Variants in GRIK2 observed in about 807,000 individuals in gnomAD.
The protein encoded by GRIK2 is glutamate receptor ionotropic, kainate 2.
In GRIK2, 32 loss-of-function variants were observed where a neutral mutation model predicts 100.3. The observed-to-expected ratio is 0.32, with a 90% CI of 0.24 to 0.43. GRIK2 has a LOEUF of 0.43. Among genes scored for constraint, GRIK2 ranks in the 20% least tolerant of loss-of-function variants. GRIK2 has a pLI of 1.00. For missense variants in GRIK2, 843 were observed against 1,114.9 expected, an observed-to-expected ratio of 0.76 and a Z score of 3.47; for synonymous variants, 417 against 389.4, an observed-to-expected ratio of 1.07 and a Z score of -0.83.
chr6:102,040,875 T>TTCA (rs1394230169), intron 15 of GRIK2, among the ~76,000 whole-genome samples: 1 of 151,674 alleles, frequency 6.6e-6, no homozygotes, highest in East Asian at 1.9e-4. Context: ...ATGCAAATTA[T>TTCA]TCATCTTTCT....
At chr6:101,907,467 G>A (rs542022018) in intron 12 of GRIK2, among the ~76,000 whole-genome samples, 1 of 151,612 alleles carries the variant, frequency 6.6e-6, no homozygotes, top group Non-Finnish European at 1.5e-5. Flanking sequence ...GAAATAAGAT[G>A]ACCTAACAAG....
chr6:101,915,161 A>C (rs1477486649), intron 12 of GRIK2, among the ~76,000 whole-genome samples: 1 of 151,494 alleles, frequency 6.6e-6, no homozygotes, highest in Non-Finnish European at 1.5e-5. Context: ...ATGCACACAC[A>C]ATTACTTTTT....
At chr6:101,705,866 ATAAAT>A (rs1773252103) in intron 7 of GRIK2, among the ~76,000 whole-genome samples, 1 of 151,944 alleles carries the variant, frequency 6.6e-6, no homozygotes, top group African/African-American at 2.4e-5. Flanking sequence ...GCTGTTTAAA[ATAAAT>A]TCTTTAAGAA....
intron 1 of GRIK2, among the ~76,000 whole-genome samples, chr6:101,397,616 A>T (rs976537987): frequency 1.9e-4 from 29 of 152,222 alleles, no homozygotes; most frequent in African/African-American, 7.0e-4. Flanking sequence ...ATAATATCTT[A>T]AGAAAATTTA....
At chr6:102,048,598 T>C (rs530605521) in intron 15 of GRIK2, among the ~76,000 whole-genome samples, 1 of 152,096 alleles carries the variant, frequency 6.6e-6, no homozygotes, top group Admixed American at 6.5e-5. Flanking sequence ...ATATGAAAAA[T>C]AATTCACCAT....
intron 11 of GRIK2, among the ~76,000 whole-genome samples, chr6:101,887,331 A>G (rs1372108811): frequency 6.6e-6 from 1 of 152,170 alleles, no homozygotes; most frequent in Non-Finnish European, 1.5e-5. Context: ...CAATTAAAAA[A>G]TAAAAAGTTA....
chr6:101,927,656 C>T (rs1338380517), intron 13 of GRIK2: 1 of 151,804 alleles, frequency 6.6e-6, no homozygotes. Flanking sequence ...TTCTCAGATC[C>T]CATTCTTTTA....
chr6:101,929,966 AG>A (rs1790155363), intron 14 of GRIK2, among the ~76,000 whole-genome samples: 1 of 152,100 alleles, frequency 6.6e-6, no homozygotes, highest in Admixed American at 6.6e-5. Context: ...GCGATGGATC[AG>A]TTTTTCTTAA....
At position 101,477,158 on chromosome 6, in the gene GRIK2, T is replaced by C. The variant is rs912854286; in HGVS notation, c.115+77766T>C. Among the ~76,000 whole-genome samples, 6 of 152,236 alleles carry C rather than the reference T, an allele frequency of 3.9e-5. No homozygotes were observed. In the East Asian group the frequency reaches 1.2e-3, roughly 29 times the overall value. ...GTGAAATTGTATTTCTTTAAGTGGG[T>C]TGCATACAGTCCTTAAGTTTTAAAA... On this transcript the variant is annotated intron_variant, in intron 2 of 16. Transcript: ENST00000369134.
At chr6:101,618,646 C>T (rs1195629241) in intron 2 of GRIK2, among the ~76,000 whole-genome samples, 1 of 151,694 alleles carries the variant, frequency 6.6e-6, no homozygotes, top group South Asian at 2.1e-4. Context: ...GTAGTGGCTT[C>T]CTCTGTAATC....
At chr6:101,854,104 G>A (rs1784287837) in intron 10 of GRIK2, among the ~76,000 whole-genome samples, 1 of 152,164 alleles carries the variant, frequency 6.6e-6, no homozygotes, top group South Asian at 2.1e-4. Flanking sequence ...TGATGTGCCA[G>A]TGAATGTTCG....
intron 10 of GRIK2, among the ~76,000 whole-genome samples, chr6:101,834,114 A>G (rs1248944290): frequency 2.0e-5 from 3 of 152,030 alleles, no homozygotes; most frequent in Non-Finnish European, 4.4e-5. Flanking sequence ...ACTGATATAT[A>G]ACCAGGTATT....
chr6:101,664,590 G>A (rs940572434), intron 4 of GRIK2, among the ~76,000 whole-genome samples: 6 of 152,230 alleles, frequency 3.9e-5, no homozygotes, highest in South Asian at 4.1e-4. Flanking sequence ...CAAAAGCACT[G>A]CTTACTTTTT....
intron 8 of GRIK2, among the ~76,000 whole-genome samples, chr6:101,800,270 C>G (rs1257069319): frequency 6.6e-6 from 1 of 151,602 alleles, no homozygotes; most frequent in African/African-American, 2.4e-5. Context: ...AAATTTACTC[C>G]ATGTTATATA....
intron 7 of GRIK2, among the ~76,000 whole-genome samples, chr6:101,761,618 A>G (rs1021092865): frequency 6.6e-6 from 1 of 152,160 alleles, no homozygotes; most frequent in South Asian, 2.1e-4. Flanking sequence ...ATCTTACACA[A>G]TAATTCACTA....
At chr6:101,460,340 C>A (rs1334620968) in intron 2 of GRIK2, among the ~76,000 whole-genome samples, 2 of 152,176 alleles carry the variant, frequency 1.3e-5, no homozygotes, top group African/African-American at 4.8e-5. Flanking sequence ...TTTTATAAAT[C>A]TAAGAGTCAG....
At chr6:102,045,837 G>T (rs530252261) in intron 15 of GRIK2, among the ~76,000 whole-genome samples, 1 of 152,122 alleles carries the variant, frequency 6.6e-6, no homozygotes, top group South Asian at 2.1e-4. Context: ...AATAAAAATT[G>T]CAAGAGTAAG....
intron 4 of GRIK2, among the ~76,000 whole-genome samples, chr6:101,650,406 C>T (rs976819059): frequency 1.3e-5 from 2 of 152,090 alleles, no homozygotes; most frequent in African/African-American, 4.8e-5. Flanking sequence ...TTAACCACCT[C>T]CTTTTCAGTT....
chr6:101,552,695 C>T (rs966065593), intron 2 of GRIK2, among the ~76,000 whole-genome samples: 3 of 152,166 alleles, frequency 2.0e-5, no homozygotes, highest in Non-Finnish European at 2.9e-5. Context: ...TCTGCCCAGA[C>T]AGATGTGTCT....
Sources: gnomAD v4.1 joint callset for allele counts (sites outside exome capture counted in the v4.1 genomes callset) on GRCh38, gnomAD v4.1.1 for gene constraint, MANE v1.5 for transcripts, NCBI Gene and HGNC (gene_info 2026-07-23, HGNC 2026-07-21) for gene names.